DCUN1D5: variants seen among roughly 807,000 people sequenced by gnomAD.
The protein encoded by DCUN1D5 is DCN1-like protein 5.
DCUN1D5 carries 10 observed loss-of-function variants against 38.3 expected under a neutral mutation model. The ratio of observed to expected loss-of-function variants is 0.26; its 90% confidence interval spans 0.16 to 0.44. The LOEUF is 0.44. DCUN1D5 is among the 20% of genes least tolerant of loss of function. The pLI is 1.00. For missense variants in DCUN1D5, 148 were observed against 275.3 expected (o/e 0.54, Z 3.27); for synonymous variants, 93 against 90.9 (o/e 1.02, Z -0.13).
intron 4 of DCUN1D5, among the ~76,000 whole-genome samples, chr11:103,072,173 C>T (rs1338688948): frequency 1.2e-4 from 18 of 152,002 alleles, no homozygotes; most frequent in Non-Finnish European, 1.5e-5. Context: ...CTACTCTTTC[C>T]ACTCTTATCG....
At position 103,062,057 on chromosome 11, in the gene DCUN1D5, G is replaced by T. The variant is rs1862025076; in HGVS notation, c.*302C>A. 1 of 301,936 alleles carries T rather than the reference G, an allele frequency of 3.3e-6. No homozygotes were observed. Among genetic ancestry groups the T allele is most frequent in the African/African-American group, 2.2e-5 (1 of 46,040 alleles). The allele number at this position is 301,936 out of a possible 1,614,324, so 18.7% of individuals were successfully genotyped here. A position where few individuals can be genotyped will look rare whatever the true frequency, so the allele number is the denominator to read the frequency against. ...AATTTACAAAAATAAATACCACTCT[G>T]ACACTCAAGGGACATCTTCACTTTA... On this transcript the variant is annotated 3_prime_UTR_variant, in exon 8 of 8. Coordinates refer to ENST00000260247, the MANE Select transcript of DCUN1D5 (RefSeq NM_032299.4). The surrounding 1 kb of genome is among the most constrained non-coding windows in gnomAD (Gnocchi z 4.6).
intron 4 of DCUN1D5, among the ~76,000 whole-genome samples, chr11:103,079,047 C>T (rs535340290): frequency 1.1e-4 from 17 of 152,308 alleles, no homozygotes; most frequent in Admixed American, 7.2e-4. Context: ...AAGCGGCAGG[C>T]GAGTGAGCCA....
rs140221498 is a variant in DCUN1D5, at chr11:103,060,337, A to T, written c.*2022T>A. 5.7e-4 allele frequency among the ~76,000 whole-genome samples: 87 copies of T among 152,330 alleles called. No homozygotes were observed. The highest frequency in any genetic ancestry group is 2.0e-3 in the African/African-American group (83 of 41,584). ...GTCTTAAAGGTATCTTTGGATAAGT[A>T]TGCAAAGTAAATACTGTTGACCCTT... On this transcript the variant is annotated 3_prime_UTR_variant, in exon 8 of 8. Coordinates refer to ENST00000260247, the MANE Select transcript of DCUN1D5 (RefSeq NM_032299.4).
In DCUN1D5 at chr11:103,064,220, C is replaced by T; in HGVS notation, c.658+55G>A. 1 of 1,362,440 alleles carries T rather than the reference C, an allele frequency of 7.3e-7. No homozygotes were observed. The highest frequency in any genetic ancestry group is 2.3e-5 in the East Asian group (1 of 43,402). 84.4% of individuals were successfully genotyped at this position (1,362,440 alleles called of 1,614,324 possible). On this transcript the variant is annotated intron_variant, in intron 7 of 7. Transcript: ENST00000260247. This position sits in a 1 kb window ranked among gnomAD's most constrained non-coding sequence, Gnocchi z 4.5. The stretch of plus-strand genomic sequence containing the variant: ...CTAATACTACACAAATGCATACTCT[C>T]ATTTAATATTTTTGGAAATTTTGTT...
Position 103,090,924 on chromosome 11 carries a change from CAAAACAAA to C in DCUN1D5, c.86+855_86+862del, listed in dbSNP as rs561560520. Among the ~76,000 whole-genome samples, 75 of 152,104 alleles carry C rather than the reference CAAAACAAA, an allele frequency of 4.9e-4. No individual in the cohort carries two copies. The South Asian group carries it at 9.1e-3, about 19-fold the overall frequency. Reference sequence around the variant, plus strand: ...AAGACTCCGTCTCAGAAAAACAAAACAAAACAAAAAAACAAAAAAACCATTTCTCAAAC... The same window carrying C: ...AAGACTCCGTCTCAGAAAAACAAAACAAAACAAAAAAACCATTTCTCAAAC... On this transcript the variant is annotated intron_variant, in intron 1 of 7. Coordinates refer to ENST00000260247, the MANE Select transcript of DCUN1D5 (RefSeq NM_032299.4).
rs1036019752 is a variant in DCUN1D5, at chr11:103,077,817, A to G, written c.341+4931T>C. On this transcript the variant is annotated intron_variant, in intron 4 of 7. Transcript: ENST00000260247. This position sits in a 1 kb window ranked among gnomAD's most constrained non-coding sequence, Gnocchi z 4.3. ...TTCCTCTAAATAAGCTTTCTCAACC[A>G]GAACAATACCATCTACTTCTAGGGG... is the stretch of plus-strand genomic sequence containing the variant. 1.3e-5 allele frequency among the ~76,000 whole-genome samples: 2 copies of G among 152,216 alleles called. No homozygotes were observed. Among genetic ancestry groups the G allele is most frequent in the African/African-American group, 4.8e-5 (2 of 41,446 alleles).
intron 4 of DCUN1D5, among the ~76,000 whole-genome samples, chr11:103,067,489 C>A (rs537539087): frequency 6.6e-6 from 1 of 152,290 alleles, no homozygotes; most frequent in African/African-American, 2.4e-5. Context: ...CATTTTGCCA[C>A]CTCTGAGAGA....
In DCUN1D5 at chr11:103,071,491, A is replaced by G. The variant is rs1293222052; in HGVS notation, c.342-4924T>C. 6.6e-6 allele frequency among the ~76,000 whole-genome samples: 1 copy of G among 150,508 alleles called. No homozygotes were observed. Among genetic ancestry groups the G allele is most frequent in the Non-Finnish European group, 1.5e-5 (1 of 67,626 alleles). On this transcript the variant is annotated intron_variant, in intron 4 of 7. Transcript: ENST00000260247. This position sits in a 1 kb window ranked among gnomAD's most constrained non-coding sequence, Gnocchi z 4.1. The stretch of plus-strand genomic sequence containing the variant: ...AGATTTTTATACAGGTATAATCTAT[A>G]TATAATTTTATATACTCTATATCTA...
At chr11:103,079,580 A>G (rs1238499316) in intron 4 of DCUN1D5, among the ~76,000 whole-genome samples, 2 of 151,978 alleles carry the variant, frequency 1.3e-5, no homozygotes, top group South Asian at 2.1e-4. Context: ...ACTTGAGCCC[A>G]GGAGTTTGAG....
chr11:103,085,579 G>C (rs2134634630), intron 2 of DCUN1D5, among the ~76,000 whole-genome samples: 1 of 152,258 alleles, frequency 6.6e-6, no homozygotes, highest in South Asian at 2.1e-4. Context: ...ACTTAGATAA[G>C]GTCTGTAAAT....
At chr11:103,084,521 AG>A (rs924338388) in intron 2 of DCUN1D5, among the ~76,000 whole-genome samples, 7 of 152,124 alleles carry the variant, frequency 4.6e-5, no homozygotes, top group African/African-American at 1.7e-4. Context: ...TAAAAGGTGA[AG>A]GGGGTGATTA....
In DCUN1D5 at chr11:103,062,409, C is replaced by G; in HGVS notation, c.664G>C (p.Val222Leu). The G allele has an allele frequency of 6.2e-7, 1 of 1,611,960 alleles. No homozygotes were observed. The highest frequency in any genetic ancestry group is 8.5e-7 in the Non-Finnish European group (1 of 1,179,202). The change falls in exon 8 of 8, where the codon GTT becomes CTT. Residue 222 changes from valine to leucine, a missense_variant. Val to Leu is a conservative substitution (Grantham distance 32). Coordinates refer to ENST00000260247, the MANE Select transcript of DCUN1D5 (RefSeq NM_032299.4). This position sits in a 1 kb window ranked among gnomAD's most constrained non-coding sequence, Gnocchi z 4.6. Reference protein sequence around the residue: ...SNYDEDGAWPVLLDEFVEWQK... With the variant: ...SNYDEDGAWPLLLDEFVEWQK... ...CACTCAACAAATTCATCAAGAAGAA[C>G]AGGCCCTAGAAAAAAAGAAACCATT...
At chr11:103,074,640 G>A (rs529451643) in intron 4 of DCUN1D5, among the ~76,000 whole-genome samples, 15 of 152,246 alleles carry the variant, frequency 9.9e-5, no homozygotes, top group African/African-American at 2.4e-4. Flanking sequence ...TCCTGACCTC[G>A]TGATTGGCCC....
At position 103,066,160 on chromosome 11, in the gene DCUN1D5, CTA is replaced by C. The variant is rs1250353925; in HGVS notation, c.555+107_555+108del. 57 of 630,736 alleles carry C rather than the reference CTA, an allele frequency of 9.0e-5. No homozygotes were observed. The highest frequency in any genetic ancestry group is 1.4e-4 in the Non-Finnish European group (54 of 393,632). The allele number at this position is 630,736 out of a possible 1,614,324, so 39.1% of individuals were successfully genotyped here. A position where few individuals can be genotyped will look rare whatever the true frequency, so the allele number is the denominator to read the frequency against. ...ATGTACATATTTTAGAATTTTTTCT[CTA>C]AAGTTTTTTTAAAGCATACTATTAA... is the stretch of plus-strand genomic sequence containing the variant. On this transcript the variant is annotated intron_variant, in intron 6 of 7. Coordinates refer to ENST00000260247, the MANE Select transcript of DCUN1D5 (RefSeq NM_032299.4). This position sits in a 1 kb window ranked among gnomAD's most constrained non-coding sequence, Gnocchi z 4.7.
rs1267442139 is a variant in DCUN1D5 at position 103,059,263 on chromosome 11, T to A, written c.*3096A>T. 1.3e-5 allele frequency among the ~76,000 whole-genome samples: 2 copies of A among 152,184 alleles called. No homozygotes were observed. Among genetic ancestry groups the A allele is most frequent in the African/African-American group, 4.8e-5 (2 of 41,446 alleles). On this transcript the variant is annotated 3_prime_UTR_variant, in exon 8 of 8. Coordinates refer to ENST00000260247, the MANE Select transcript of DCUN1D5 (RefSeq NM_032299.4). Reference sequence around the variant, plus strand: ...AGTGAAATGTTTCATTTTATACGTATGTATCATGTATTCTGAATCTGTGCT... The same window carrying A: ...AGTGAAATGTTTCATTTTATACGTAAGTATCATGTATTCTGAATCTGTGCT...
intron 4 of DCUN1D5, among the ~76,000 whole-genome samples, chr11:103,067,858 A>T (rs1271197599): frequency 2.0e-5 from 3 of 152,098 alleles, no homozygotes; most frequent in African/African-American, 7.2e-5. Context: ...AGTTTTTTTA[A>T]CAAGATTGTA....
chr11:103,066,262 T>C lies in DCUN1D5; in HGVS notation c.555+7A>G, dbSNP rs911555613. On this transcript the variant is annotated splice_region_variant and intron_variant, in intron 6 of 7. Transcript: ENST00000260247. The surrounding 1 kb of genome is among the most constrained non-coding windows in gnomAD (Gnocchi z 4.7). ...AATATTTTCAAAATTCGAAAAAACATACGTACCTCCAGGTACTGGTAAAAT... is the reference window on the plus strand; with the variant it reads ...AATATTTTCAAAATTCGAAAAAACACACGTACCTCCAGGTACTGGTAAAAT... The C allele has an allele frequency of 7.9e-6, 12 of 1,523,604 alleles. No homozygotes were observed. The highest frequency in any genetic ancestry group is 1.1e-5 in the Non-Finnish European group (12 of 1,129,454). The allele number at this position is 1,523,604 out of a possible 1,614,324, so 94.4% of individuals were successfully genotyped here.
intron 4 of DCUN1D5, among the ~76,000 whole-genome samples, chr11:103,075,153 G>A (rs1050408675): frequency 2.0e-5 from 3 of 152,152 alleles, no homozygotes; most frequent in African/African-American, 7.2e-5. Context: ...TATTGCATAA[G>A]TTTGTCATCA....
intron 4 of DCUN1D5, among the ~76,000 whole-genome samples, chr11:103,067,994 T>G (rs1862175735): frequency 6.6e-6 from 1 of 152,190 alleles, no homozygotes; most frequent in South Asian, 2.1e-4. Context: ...AGGAAAACTT[T>G]TAACTAATAA....
Sources: gnomAD v4.1 joint callset for allele counts (sites outside exome capture counted in the v4.1 genomes callset) on GRCh38, gnomAD v4.1.1 for gene constraint, Gnocchi (gnomAD v3.1) non-coding constraint, MANE v1.5 for transcripts, NCBI Gene and HGNC (gene_info 2026-07-23, HGNC 2026-07-21) for gene names.